The following RALGAPA1 variants were observed in gnomAD, a reference collection of about 807,000 sequenced individuals.
RALGAPA1 encodes the protein Ral GTPase activating protein catalytic subunit alpha 1, also known as ral GTPase-activating protein subunit alpha-1.
In RALGAPA1, 52 loss-of-function variants were observed where a neutral mutation model predicts 269.6. That is an observed-to-expected ratio of 0.19 (90% CI 0.15 to 0.24). The LOEUF (loss-of-function observed/expected upper bound fraction) is 0.24, where lower values mean the gene tolerates loss of function less well. RALGAPA1 is among the 10% of genes least tolerant of loss of function. RALGAPA1 has a pLI of 1.00. For missense variants in RALGAPA1, 1,917 were observed against 3,013.9 expected, an observed-to-expected ratio of 0.64 and a Z score of 8.52; for synonymous variants, 817 against 1,008.3, an observed-to-expected ratio of 0.81 and a Z score of 3.60.
intron 26 of RALGAPA1, 142 bp from the exon 27 acceptor site, chr14:35,664,909 A>G: frequency 1.5e-6 from 1 of 686,772 alleles, no homozygotes; most frequent in East Asian, 2.8e-5. Context: ...ACACAAAAAG[A>G]TTTAAGTTTC....
intron 26 of RALGAPA1, among the ~76,000 whole-genome samples, chr14:35,666,574 T>C (rs2063957821): frequency 6.6e-6 from 1 of 152,204 alleles, no homozygotes; most frequent in African/African-American, 2.4e-5. Context: ...GTTTTAACCT[T>C]ATTGTGGAGA....
intron 10 of RALGAPA1, among the ~76,000 whole-genome samples, 198 bp from the exon 11 acceptor site, chr14:35,742,763 TAAA>T (rs199500409): frequency 3.1e-5 from 4 of 128,712 alleles, no homozygotes; most frequent in Admixed American, 8.0e-5. Context: ...ATATTTCTAG[TAAA>T]AAAAAAAAAA....
At chr14:35,786,215 C>T (rs1401293021) in intron 1 of RALGAPA1, among the ~76,000 whole-genome samples, 1 of 152,090 alleles carries the variant, frequency 6.6e-6, no homozygotes, top group African/African-American at 2.4e-5. Flanking sequence ...GTAGGCTGAA[C>T]AGCCTTGATA....
intron 16 of RALGAPA1, among the ~76,000 whole-genome samples, chr14:35,717,867 TTG>T (rs2068983126): frequency 6.6e-6 from 1 of 152,142 alleles, no homozygotes; most frequent in Non-Finnish European, 1.5e-5. Context: ...CAACATTTTT[TTG>T]ATATATAATA....
intron 35 of RALGAPA1, among the ~76,000 whole-genome samples, chr14:35,615,883 C>G (rs2060220384): frequency 6.6e-6 from 1 of 152,084 alleles, no homozygotes. Context: ...TACGGAGTCA[C>G]TAAGGAGTGT....
intron 41 of RALGAPA1, chr14:35,542,673 ACTT>A (rs1420224691): frequency 6.6e-6 from 1 of 152,214 alleles, no homozygotes; most frequent in East Asian, 1.9e-4. Flanking sequence ...GATTTATACT[ACTT>A]GAGTCATAAA....
chr14:35,680,578 A>G (rs2065340662), intron 21 of RALGAPA1, among the ~76,000 whole-genome samples: 1 of 135,366 alleles, frequency 7.4e-6, no homozygotes, highest in Non-Finnish European at 1.5e-5. Flanking sequence ...TACTGCCTTT[A>G]ATTTTATTTA....
chr14:35,625,233 CTT>C, intron 35 of RALGAPA1, 126 bp downstream of exon 35: 1 of 353,962 alleles, frequency 2.8e-6, no homozygotes, highest in South Asian at 5.2e-5. Context: ...CCTTAAAAAA[CTT>C]TTGCTCAGAA....
chr14:35,712,800 A>T (rs2068474545), intron 16 of RALGAPA1, among the ~76,000 whole-genome samples: 1 of 150,812 alleles, frequency 6.6e-6, no homozygotes, highest in Admixed American at 6.6e-5. Flanking sequence ...TAAGATTACA[A>T]AGTGCTAAGA....
At chr14:35,662,676 A>G (rs907137108) in intron 27 of RALGAPA1, among the ~76,000 whole-genome samples, 6 of 152,088 alleles carry the variant, frequency 3.9e-5, no homozygotes, top group African/African-American at 1.4e-4. Flanking sequence ...CTAACCCCTA[A>G]CTCACTCAAA....
chr14:35,787,295 T>G (rs2075863913), intron 1 of RALGAPA1, among the ~76,000 whole-genome samples: 1 of 152,244 alleles, frequency 6.6e-6, no homozygotes, highest in African/African-American at 2.4e-5. Context: ...GTAATTATTT[T>G]TATTAAACAC....
intron 16 of RALGAPA1, chr14:35,716,055 C>A (rs539994849): frequency 3.0e-6 from 3 of 984,610 alleles, no homozygotes; most frequent in Non-Finnish European, 3.6e-6. Context: ...TTAAAAAGCC[C>A]CTTTCTTCCC....
intron 39 of RALGAPA1, among the ~76,000 whole-genome samples, chr14:35,555,635 T>C (rs2055527486): frequency 6.6e-6 from 1 of 152,186 alleles, no homozygotes; most frequent in Non-Finnish European, 1.5e-5. Context: ...CAGTTTGAAC[T>C]AGAGGAAGGA....
At chr14:35,788,516 G>A (rs1253808206) in intron 1 of RALGAPA1, among the ~76,000 whole-genome samples, 1 of 152,120 alleles carries the variant, frequency 6.6e-6, no homozygotes, top group African/African-American at 2.4e-5. Context: ...CAGGCACAGT[G>A]GCTCATGCCT....
At chr14:35,801,768 T>A (rs1479614039) in intron 1 of RALGAPA1, among the ~76,000 whole-genome samples, 1 of 152,098 alleles carries the variant, frequency 6.6e-6, no homozygotes, top group Non-Finnish European at 1.5e-5. Context: ...AAAGGGCATC[T>A]ACAAAAAACC....
At chr14:35,695,103 C>A (rs1007185760) in intron 17 of RALGAPA1, among the ~76,000 whole-genome samples, 3 of 151,400 alleles carry the variant, frequency 2.0e-5, no homozygotes, top group Non-Finnish European at 4.4e-5. Context: ...TAAATTATTC[C>A]AGGAAAAAAA....
chr14:35,560,949 G>A (rs113346078), intron 39 of RALGAPA1, among the ~76,000 whole-genome samples: 5,167 of 152,092 alleles, frequency 0.034, 114 homozygotes, highest in Non-Finnish European at 0.05. Context: ...CGGTAACATC[G>A]CAGGGCGTGG....
intron 16 of RALGAPA1, among the ~76,000 whole-genome samples, chr14:35,718,597 C>T (rs570851571): frequency 5.9e-5 from 9 of 152,182 alleles, no homozygotes; most frequent in Non-Finnish European, 1.2e-4. Context: ...GGGCGGATCA[C>T]CTAAAGTCAG....
intron 16 of RALGAPA1, chr14:35,707,128 A>C (rs2067879179): frequency 6.6e-6 from 1 of 152,184 alleles, no homozygotes; most frequent in Admixed American, 6.5e-5. Context: ...CTGTGCTTTC[A>C]GTTTCACATT....
Sources: gnomAD v4.1 joint callset for allele counts (sites outside exome capture counted in the v4.1 genomes callset) on GRCh38, gnomAD v4.1.1 for gene constraint, MANE v1.5 for transcripts, NCBI Gene and HGNC (gene_info 2026-07-23, HGNC 2026-07-21) for gene names.